Variants in SOX13 observed in about 807,000 individuals in gnomAD.
The protein encoded by SOX13 is transcription factor SOX-13.
Under a neutral mutation model 71.8 loss-of-function variants are expected in SOX13, and 28 were observed. The ratio of observed to expected loss-of-function variants is 0.39; its 90% confidence interval spans 0.29 to 0.53. The LOEUF (loss-of-function observed/expected upper bound fraction) is 0.53, where lower values mean the gene tolerates loss of function less well. Ranked by LOEUF, SOX13 falls within the 20% of genes least tolerant of loss-of-function variation. The pLI is 0.70. For synonymous variants in SOX13, 309 were observed against 317.8 expected (o/e 0.97, Z 0.29); for missense variants, 627 against 810.3 (o/e 0.77, Z 2.75).
rs548443814 is a variant in SOX13, at chr1:204,103,539, C to A, written c.-1-9376C>A. Among the ~76,000 whole-genome samples the A allele has an allele frequency of 3.0e-4, 46 of 152,342 alleles. 1 individual carries two copies. In the South Asian group the frequency reaches 8.3e-3, roughly 27 times the overall value. On this transcript the variant is annotated intron_variant, in intron 1 of 13. Transcript: ENST00000367204. ...GAGCCTTTCACTTAGTGCTTGCAGC[C>A]AAGTAAGTGCTGTAGCATTGCATGC...
intron 1 of SOX13, among the ~76,000 whole-genome samples, chr1:204,095,407 GC>G (rs1656233004): frequency 6.6e-6 from 1 of 152,154 alleles, no homozygotes; most frequent in Admixed American, 6.5e-5. Flanking sequence ...GTGAGGGAAG[GC>G]CTTCTAGTTG....
rs115034229 is a variant in SOX13 at position 204,102,468 on chromosome 1, G to A, written c.-1-10447G>A. The stretch of plus-strand genomic sequence containing the variant: ...GTGGCTTGGCCAGATAAGCGGTGGC[G>A]CTGCGAATGTGGGGCTTCCTTGGCA... On this transcript the variant is annotated intron_variant, in intron 1 of 13. Transcript: ENST00000367204. Among the ~76,000 whole-genome samples the A allele has an allele frequency of 4.1e-3, 624 of 152,246 alleles. 4 individuals are homozygous for A. Among genetic ancestry groups the A allele is most frequent in the African/African-American group, 0.015 (606 of 41,546 alleles).
intron 4 of SOX13, among the ~76,000 whole-genome samples, chr1:204,115,180 A>C (rs1334668022): frequency 6.6e-6 from 1 of 151,220 alleles, no homozygotes; most frequent in African/African-American, 2.4e-5. Flanking sequence ...TAATTTTTAT[A>C]TTTTTTTTGT....
At chr1:204,097,693 C>CAAAA in intron 1 of SOX13, among the ~76,000 whole-genome samples, 1 of 69,978 alleles carries the variant, frequency 1.4e-5, no homozygotes, top group East Asian at 2.9e-4. Flanking sequence ...AACTCCGTCT[C>CAAAA]AAAAAAAAAA....
At chr1:204,102,126 C>T (rs139656423) in intron 1 of SOX13, among the ~76,000 whole-genome samples, 3 of 152,326 alleles carry the variant, frequency 2.0e-5, no homozygotes, top group Non-Finnish European at 2.9e-5. Context: ...AGGGCTTAGT[C>T]TACATGGCTT....
At chr1:204,100,529 T>C (rs1185859199) in intron 1 of SOX13, among the ~76,000 whole-genome samples, 1 of 152,164 alleles carries the variant, frequency 6.6e-6, no homozygotes, top group Non-Finnish European at 1.5e-5. Flanking sequence ...CTCCCCTTCC[T>C]TCCCTGCCCT....
intron 1 of SOX13, among the ~76,000 whole-genome samples, chr1:204,105,773 T>A (rs898779290): frequency 6.6e-6 from 1 of 152,104 alleles, no homozygotes. Context: ...GTTTCTCTGT[T>A]TATAAAATGT....
In SOX13 at chr1:204,112,100, T is replaced by G. The variant is rs189978745; in HGVS notation, c.-1-815T>G. On this transcript the variant is annotated intron_variant, in intron 1 of 13. Coordinates refer to ENST00000367204, the MANE Select transcript of SOX13 (RefSeq NM_005686.3). ...TGAGCTAGAAGTTCAAATCTAGATTTTTATGTGTTATCTCTTGATTTTTAA... is the reference window on the plus strand; with the variant it reads ...TGAGCTAGAAGTTCAAATCTAGATTGTTATGTGTTATCTCTTGATTTTTAA... 3.0e-4 allele frequency among the ~76,000 whole-genome samples: 46 copies of G among 152,286 alleles called. No homozygotes were observed. The East Asian group carries it at 8.5e-3, about 28-fold the overall frequency.
intron 1 of SOX13, among the ~76,000 whole-genome samples, chr1:204,088,110 C>A (rs1167631523): frequency 6.6e-6 from 1 of 152,200 alleles, no homozygotes; most frequent in Admixed American, 6.5e-5. Context: ...CAGACAGTCA[C>A]AGGGAACCAT....
At chr1:204,124,605 C>G in intron 12 of SOX13, 36 bp from the exon 13 acceptor site, 4 of 1,566,866 alleles carry the variant, frequency 2.6e-6, no homozygotes, top group Non-Finnish European at 3.5e-6. Flanking sequence ...CAGCAGAGCC[C>G]AGCACTGACT....
At chr1:204,107,690 C>T (rs945570465) in intron 1 of SOX13, among the ~76,000 whole-genome samples, 1 of 152,046 alleles carries the variant, frequency 6.6e-6, no homozygotes, top group Non-Finnish European at 1.5e-5. Context: ...TACCCAGGGA[C>T]CCTCTCCCCC....
intron 1 of SOX13, among the ~76,000 whole-genome samples, chr1:204,080,048 G>T (rs1019303529): frequency 2.0e-5 from 3 of 152,080 alleles, no homozygotes; most frequent in African/African-American, 7.2e-5. Flanking sequence ...GTGTTTTTTG[G>T]GGGAGCGGAA....
At chr1:204,108,018 A>G (rs1190859159) in intron 1 of SOX13, among the ~76,000 whole-genome samples, 2 of 152,148 alleles carry the variant, frequency 1.3e-5, no homozygotes, top group Non-Finnish European at 2.9e-5. Flanking sequence ...AGGGTGATCC[A>G]TGGTGCCTGG....
intron 1 of SOX13, among the ~76,000 whole-genome samples, chr1:204,074,902 C>G (rs1462807304): frequency 6.6e-6 from 1 of 152,236 alleles, no homozygotes; most frequent in African/African-American, 2.4e-5. Flanking sequence ...GGGAAGTTTG[C>G]TTTGACTCTC....
At chr1:204,125,498 C>T (rs893128529) in intron 13 of SOX13, among the ~76,000 whole-genome samples, 67 of 152,172 alleles carry the variant, frequency 4.4e-4, no homozygotes, top group Non-Finnish European at 5.0e-4. Flanking sequence ...GGGAGGCTGA[C>T]GCTGCAGTCA....
intron 1 of SOX13, among the ~76,000 whole-genome samples, chr1:204,106,181 A>C (rs1304066250): frequency 6.6e-6 from 1 of 152,206 alleles, no homozygotes; most frequent in African/African-American, 2.4e-5. Flanking sequence ...TATCCGACCC[A>C]AGGTAAAAAG....
chr1:204,123,722 C>T lies in SOX13; in HGVS notation c.1293C>T (p.Phe431=). The change falls in exon 12 of 14, where the codon TTC becomes TTT. Residue 431 remains phenylalanine, a synonymous_variant. Transcript: ENST00000367204. This position sits in a 1 kb window ranked among gnomAD's most constrained non-coding sequence, Gnocchi z 5.0. ...ACATCAAGAGGCCCATGAACGCCTTCATGGTGTGGGCCAAGGATGAGCGGA... is the reference window on the plus strand; with the variant it reads ...ACATCAAGAGGCCCATGAACGCCTTTATGGTGTGGGCCAAGGATGAGCGGA... ...SSHIKRPMNA[F]MVWAKDERRK... is the part of the protein sequence containing the mutation. 6.2e-7 allele frequency: 1 copy of T among 1,614,198 alleles called. No homozygotes were observed. The highest frequency in any genetic ancestry group is 1.1e-5 in the South Asian group (1 of 91,088).
At chr1:204,090,352 C>G (rs1164429223) in intron 1 of SOX13, among the ~76,000 whole-genome samples, 10 of 151,518 alleles carry the variant, frequency 6.6e-5, no homozygotes, top group Admixed American at 6.6e-4. Flanking sequence ...GTTACTTGTT[C>G]TCTGTTCTCT....
At position 204,123,903 on chromosome 1, in the gene SOX13, G is replaced by C. The variant is rs938006561; in HGVS notation, c.1375+99G>C. On this transcript the variant is annotated intron_variant, in intron 12 of 13. Transcript: ENST00000367204. The surrounding 1 kb of genome is among the most constrained non-coding windows in gnomAD (Gnocchi z 5.0). ...GCTTGGTGATATTCCATACTGTGTT[G>C]GACTCCAGTGGAATCTGACGACAGG... 9 of 1,352,232 alleles carry C rather than the reference G, an allele frequency of 6.7e-6. No individual in the cohort carries two copies. Among genetic ancestry groups the C allele is most frequent in the Middle Eastern group, 1.8e-4 (1 of 5,522 alleles). 83.8% of individuals were successfully genotyped at this position (1,352,232 alleles called of 1,614,324 possible). A position where few individuals can be genotyped will look rare whatever the true frequency, so the allele number is the denominator to read the frequency against.
Sources: gnomAD v4.1 joint callset for allele counts (sites outside exome capture counted in the v4.1 genomes callset) on GRCh38, gnomAD v4.1.1 for gene constraint, Gnocchi (gnomAD v3.1) non-coding constraint, MANE v1.5 for transcripts, NCBI Gene and HGNC (gene_info 2026-07-23, HGNC 2026-07-21) for gene names.